FMO1: variants seen among roughly 807,000 people sequenced by gnomAD.
FMO1 encodes flavin containing dimethylaniline monoxygenase 1.
In FMO1, 36 loss-of-function variants were observed where a neutral mutation model predicts 45.4. The observed-to-expected ratio is 0.79, with a 90% CI of 0.61 to 1.05. The LOEUF (loss-of-function observed/expected upper bound fraction) is 1.05, where lower values mean the gene tolerates loss of function less well. Among genes scored for constraint, FMO1 ranks in the 50% least tolerant of loss-of-function variants. The pLI is 0.00. For synonymous variants in FMO1, 228 were observed against 227.2 expected, an observed-to-expected ratio of 1.00 and a Z score of -0.03; for missense variants, 615 against 640.3, an observed-to-expected ratio of 0.96 and a Z score of 0.43.
At chr1:171,283,363 A>T in intron 8 of FMO1, 147 bp downstream of exon 8, 1 of 508,866 alleles carries the variant, frequency 2.0e-6, no homozygotes, top group Middle Eastern at 5.2e-4. Flanking sequence ...AAAAAGAAGC[A>T]TCTGAGACTT....
At chr1:171,253,457 C>T (rs1313143447) in intron 1 of FMO1, among the ~76,000 whole-genome samples, 1 of 152,066 alleles carries the variant, frequency 6.6e-6, no homozygotes, top group Non-Finnish European at 1.5e-5. Context: ...CACTTGAGCC[C>T]AGACATTCAA....
At chr1:171,263,248 A>G (rs556550906) in intron 2 of FMO1, among the ~76,000 whole-genome samples, 9 of 152,172 alleles carry the variant, frequency 5.9e-5, no homozygotes, top group Non-Finnish European at 1.3e-4. Context: ...CGATTGCTTC[A>G]TTGTTCCATT....
chr1:171,266,995 C>T (rs1055997559), intron 2 of FMO1, among the ~76,000 whole-genome samples: 5 of 152,234 alleles, frequency 3.3e-5, no homozygotes, highest in African/African-American at 1.2e-4. Context: ...ACTGCTTCCT[C>T]TCTCAACCCC....
At chr1:171,282,533 AAT>A (rs1571362955) in intron 7 of FMO1, 200 bp downstream of exon 7, 36 of 443,698 alleles carry the variant, frequency 8.1e-5, no homozygotes, top group South Asian at 4.0e-4. Context: ...CAGGGTCAAA[AAT>A]ATATATATTT....
At chr1:171,272,767 C>T (rs1660920442) in intron 3 of FMO1, among the ~76,000 whole-genome samples, 1 of 152,204 alleles carries the variant, frequency 6.6e-6, no homozygotes, top group Admixed American at 6.5e-5. Flanking sequence ...AATGCCTGTA[C>T]CCCCACTGTT....
intron 7 of FMO1, 147 bp from the exon 8 acceptor site, chr1:171,282,997 T>C (rs1049078309): frequency 5.0e-6 from 3 of 599,192 alleles, no homozygotes; most frequent in South Asian, 2.2e-5. Context: ...ACCAGTCAGC[T>C]CAGGCTGCTA....
At chr1:171,276,941 C>T (rs1355028050) in intron 4 of FMO1, among the ~76,000 whole-genome samples, 2 of 152,122 alleles carry the variant, frequency 1.3e-5, no homozygotes, top group Non-Finnish European at 2.9e-5. Context: ...TTGAGTCGCC[C>T]ACTTAACTTT....
chr1:171,259,724 C>T (rs1660302227), intron 2 of FMO1, among the ~76,000 whole-genome samples: 1 of 152,180 alleles, frequency 6.6e-6, no homozygotes, highest in African/African-American at 2.4e-5. Context: ...TTGTATAGGT[C>T]ACAGGCACCT....
intron 7 of FMO1, chr1:171,282,583 G>A (rs892412515): frequency 2.7e-6 from 1 of 375,062 alleles, no homozygotes. Flanking sequence ...GACATAGGCT[G>A]TATCTATGTC....
chr1:171,254,892 C>T (rs747044228), intron 1 of FMO1, among the ~76,000 whole-genome samples: 1 of 152,232 alleles, frequency 6.6e-6, no homozygotes, highest in Non-Finnish European at 1.5e-5. Context: ...GTACATAAGA[C>T]ATACTTCTGT....
At chr1:171,269,759 A>T (rs935488939) in intron 3 of FMO1, among the ~76,000 whole-genome samples, 25 of 152,238 alleles carry the variant, frequency 1.6e-4, no homozygotes, top group African/African-American at 5.3e-4. Context: ...AATAAATTGA[A>T]TAATTCATAC....
intron 1 of FMO1, among the ~76,000 whole-genome samples, chr1:171,256,386 A>G (rs1660159683): frequency 6.6e-6 from 1 of 152,122 alleles, no homozygotes; most frequent in African/African-American, 2.4e-5. Context: ...CTCATGATAG[A>G]ATAGGATTCT....
At chr1:171,265,437 A>G (rs1660579309) in intron 2 of FMO1, among the ~76,000 whole-genome samples, 2 of 152,062 alleles carry the variant, frequency 1.3e-5, no homozygotes, top group African/African-American at 4.8e-5. Flanking sequence ...AAGAATGCTT[A>G]GAAAAATGAA....
At chr1:171,262,278 T>G (rs1016834088) in intron 2 of FMO1, among the ~76,000 whole-genome samples, 1 of 151,890 alleles carries the variant, frequency 6.6e-6, no homozygotes, top group Admixed American at 6.6e-5. Flanking sequence ...CTACTAAAAA[T>G]ATGAAAATTA....
At chr1:171,272,707 G>T (rs1660917177) in intron 3 of FMO1, among the ~76,000 whole-genome samples, 1 of 152,178 alleles carries the variant, frequency 6.6e-6, no homozygotes, top group African/African-American at 2.4e-5. Context: ...GGGGCCTGTA[G>T]CCCCTTTGTT....
intron 3 of FMO1, among the ~76,000 whole-genome samples, chr1:171,274,395 G>C (rs1052533793): frequency 6.6e-6 from 1 of 151,596 alleles, no homozygotes; most frequent in Non-Finnish European, 1.5e-5. Flanking sequence ...TGAGTAGCTG[G>C]GACTACAGGC....
At chr1:171,278,467 T>C (rs1661201893) in intron 4 of FMO1, among the ~76,000 whole-genome samples, 1 of 152,188 alleles carries the variant, frequency 6.6e-6, no homozygotes, top group East Asian at 1.9e-4. Context: ...TATATCTTTA[T>C]GCCATAATAT....
At position 171,267,711 on chromosome 1, in the gene FMO1, C is replaced by A; in HGVS notation, c.301C>A (p.Leu101Met). The change falls in exon 3 of 9, where the codon CTG becomes ATG. Residue 101 changes from leucine (L) to methionine (M), a missense_variant. Physicochemically the swap from Leu to Met is conservative, Grantham distance 15 (BLOSUM62 2). Transcript: ENST00000617670. ...AATGTATGCAAACCACTTTGACCTT[C>A]TGAAACACATTCAATTCAAGGTAAG... The part of the protein sequence containing the change: ...LKMYANHFDL[L>M]KHIQFKTKVC... 1.9e-6 allele frequency: 3 copies of A among 1,610,302 alleles called. No homozygotes were observed. Among genetic ancestry groups the A allele is most frequent in the Non-Finnish European group, 2.5e-6 (3 of 1,178,388 alleles).
At chr1:171,271,241 G>C in intron 3 of FMO1, 1 of 1,015,038 alleles carries the variant, frequency 9.9e-7, no homozygotes, top group Non-Finnish European at 1.5e-6. Context: ...AGGCCAAGTT[G>C]TTCTCCTTTA....
Sources: allele counts gnomAD v4.1 joint callset (sites outside exome capture counted in the v4.1 genomes callset), GRCh38; gene constraint gnomAD v4.1.1; transcripts MANE v1.5; gene names NCBI Gene and HGNC (gene_info 2026-07-23, HGNC 2026-07-21).